CIAO1: variants seen among roughly 807,000 people sequenced by gnomAD.
The protein encoded by CIAO1 is cytosolic iron-sulfur assembly component 1.
CIAO1 carries 32 observed loss-of-function variants against 43.1 expected under a neutral mutation model. That is an observed-to-expected ratio of 0.74 (90% CI 0.56 to 1.00). The LOEUF (loss-of-function observed/expected upper bound fraction) is 1.00, where lower values mean the gene tolerates loss of function less well. Among genes scored for constraint, CIAO1 ranks in the 50% least tolerant of loss-of-function variants. CIAO1 has a pLI of 0.00. For synonymous variants in CIAO1, 183 were observed against 171.4 expected (o/e 1.07, Z -0.53); for missense variants, 415 against 437.4 (o/e 0.95, Z 0.46).
chr2:96,268,926 G>A (rs888373308), intron 5 of CIAO1: 14 of 567,712 alleles, frequency 2.5e-5, no homozygotes, highest in African/African-American at 2.4e-4. Flanking sequence ...ACAATGGCGG[G>A]AATGCTTAGA....
rs1684480447 is a variant in CIAO1, at chr2:96,268,513, T to C, written c.546T>C (p.Asp182=). The C allele has an allele frequency of 6.2e-7, 1 of 1,614,130 alleles. No homozygotes were observed. Among genetic ancestry groups the C allele is most frequent in the Non-Finnish European group, 8.5e-7 (1 of 1,180,052 alleles). The change falls in exon 5 of 7, where the codon GAT becomes GAC. Residue 182 remains aspartate, a synonymous_variant. Transcript: ENST00000488633. The part of the protein sequence containing the change: ...DTVKLYREEE[D]DWVCCATLEG... Reference sequence around the variant, plus strand: ...TGAAGCTGTACCGGGAGGAAGAGGATGACTGGGTATGCTGTGCCACCCTTG... The same window carrying C: ...TGAAGCTGTACCGGGAGGAAGAGGACGACTGGGTATGCTGTGCCACCCTTG...
chr2:96,269,013 T>C (rs1684492048), intron 5 of CIAO1: 1 of 584,862 alleles, frequency 1.7e-6, no homozygotes, highest in Admixed American at 3.1e-5. Context: ...TTGGGTCGGC[T>C]GGTGGGTGGC....
chr2:96,268,287 G>T (rs1314595899), intron 4 of CIAO1, among the ~76,000 whole-genome samples, 170 bp from the exon 5 acceptor site: 1 of 152,236 alleles, frequency 6.6e-6, no homozygotes. Flanking sequence ...AGGAGACGGG[G>T]GTTACGGTGA....
intron 6 of CIAO1, among the ~76,000 whole-genome samples, chr2:96,269,641 GTTTT>G (rs1253470965): frequency 6.6e-6 from 1 of 151,234 alleles, no homozygotes; most frequent in Non-Finnish European, 1.5e-5. Context: ...GTGGCTGAGG[GTTTT>G]TTTTTGTTTT....
At chr2:96,270,392 A>C (rs1280172487) in intron 6 of CIAO1, among the ~76,000 whole-genome samples, 1 of 152,002 alleles carries the variant, frequency 6.6e-6, no homozygotes, top group African/African-American at 2.4e-5. Context: ...AATCCCAGCT[A>C]CTCAGAGGCT....
Position 96,269,016 on chromosome 2 carries a change from T to C in CIAO1, c.692-252T>C, listed in dbSNP as rs977496194. On this transcript the variant is annotated intron_variant, in intron 5 of 6. Coordinates refer to ENST00000488633, the MANE Select transcript of CIAO1 (RefSeq NM_004804.3). Reference sequence around the variant, plus strand: ...GAATAAAGTGGGTTGGGTCGGCTGGTGGGTGGCCTTCACAGGCACGCAAAG... The same window carrying C: ...GAATAAAGTGGGTTGGGTCGGCTGGCGGGTGGCCTTCACAGGCACGCAAAG... 32 of 586,170 alleles carry C rather than the reference T, an allele frequency of 5.5e-5. No homozygotes were observed. In the East Asian group the frequency reaches 8.5e-4, roughly 16 times the overall value. 36.3% of individuals were successfully genotyped at this position (586,170 alleles called of 1,614,324 possible).
At position 96,271,239 on chromosome 2, in the gene CIAO1, C is replaced by A. The variant is rs1243049099; in HGVS notation, c.908C>A (p.Ser303Tyr). Residue 303 changes from serine (S) to tyrosine (Y), a missense_variant, in exon 7 of 7, where the codon TCC (serine) becomes TAC (tyrosine). Ser to Tyr is a moderately radical substitution (Grantham distance 144). Transcript: ENST00000488633. The part of the protein sequence containing the change: ...SLTAHLHQAH[S>Y]QDVNCVAWNP... ...ACAGCCCACTTGCATCAGGCCCATT[C>A]CCAGGATGTCAACTGTGTGGCCTGG... is the stretch of plus-strand genomic sequence containing the variant. 1.9e-6 allele frequency: 3 copies of A among 1,614,150 alleles called. No individual in the cohort carries two copies. The African/African-American group carries it at 4.0e-5, about 22-fold the overall frequency.
intron 1 of CIAO1, 34 bp downstream of exon 1, chr2:96,266,523 CTGAGGGCTCAGCCTGCGCGTAG>C: frequency 7.1e-7 from 1 of 1,416,100 alleles, no homozygotes; most frequent in South Asian, 1.5e-5. Context: ...GCCCTCAGCG[CTGAGGGCTCAGCCTGCGCGTAG>C]TGCAGGCGCT....
Position 96,266,371 on chromosome 2 carries a change from G to A in CIAO1, c.21G>A (p.Leu7=). The A allele has an allele frequency of 1.3e-6, 2 of 1,496,602 alleles. No homozygotes were observed. Among genetic ancestry groups the A allele is most frequent in the Non-Finnish European group, 1.8e-6 (2 of 1,113,458 alleles). The allele number at this position is 1,496,602 out of a possible 1,614,324, so 92.7% of individuals were successfully genotyped here. A position where few individuals can be genotyped will look rare whatever the true frequency, so the allele number is the denominator to read the frequency against. ...CCGACATGAAGGACTCGCTGGTGCT[G>A]CTGGGCCGTGTCCCGGCGCACCCGG... The part of the protein sequence containing the change: MKDSLV[L]LGRVPAHPDS... Residue 7 remains leucine, a synonymous_variant, in exon 1 of 7, where the codon CTG becomes CTA. Transcript: ENST00000488633.
At chr2:96,271,022 GT>G (rs1296467941) in intron 6 of CIAO1, 88 bp from the exon 7 acceptor site, 18 of 1,534,112 alleles carry the variant, frequency 1.2e-5, no homozygotes, top group Non-Finnish European at 1.6e-5. Flanking sequence ...GAGGCCTGAA[GT>G]TAGGGAAGAG....
intron 1 of CIAO1, 164 bp from the exon 2 acceptor site, chr2:96,267,157 A>AG: frequency 1.7e-6 from 1 of 590,130 alleles, no homozygotes; most frequent in Non-Finnish European, 2.7e-6. Flanking sequence ...AAAAAAAAAA[A>AG]AAAGCTTCCA....
intron 6 of CIAO1, among the ~76,000 whole-genome samples, chr2:96,270,294 C>G (rs1017840548): frequency 5.9e-5 from 9 of 151,766 alleles, no homozygotes; most frequent in Non-Finnish European, 4.4e-5. Flanking sequence ...ATCATGAGGT[C>G]AGGAGTTCAA....
intron 6 of CIAO1, among the ~76,000 whole-genome samples, chr2:96,269,916 A>T (rs1438158958): frequency 6.6e-6 from 1 of 151,938 alleles, no homozygotes; most frequent in Non-Finnish European, 1.5e-5. Context: ...AAGTGCTGGG[A>T]TTACAGGCAT....
chr2:96,269,273 G>A lies in CIAO1; in HGVS notation c.697G>A (p.Ala233Thr). 6.2e-7 allele frequency: 1 copy of A among 1,614,080 alleles called. No homozygotes were observed. Among genetic ancestry groups the A allele is most frequent in the Non-Finnish European group, 8.5e-7 (1 of 1,179,944 alleles). The change falls in exon 6 of 7, where the codon GCA (alanine) becomes ACA (threonine). Residue 233 changes from alanine to threonine, a missense_variant. Transcript: ENST00000488633. ...QYLPGNEQGV[A>T]CSGSDPSWKC... ...AAGAGAAGTCTGTCTTGCAGGGGTG[G>A]CATGCAGCGGCTCTGACCCCAGTTG...
At position 96,267,685 on chromosome 2, in the gene CIAO1, G is replaced by A. The variant is rs768072466; in HGVS notation, c.349G>A (p.Gly117Ser). 5.6e-6 allele frequency: 9 copies of A among 1,614,002 alleles called. No individual in the cohort carries two copies. In the African/African-American group the frequency reaches 1.1e-4, roughly 19 times the overall value. ...EVKSVAWAPSGNLLATCSRDK... is the reference protein window; with the variant it reads ...EVKSVAWAPSSNLLATCSRDK... ...CAAGTCAGTGGCTTGGGCCCCATCT[G>A]GCAACCTCCTGGCCACTTGCAGCCG... The change falls in exon 3 of 7, where the codon GGC becomes AGC. Residue 117 changes from glycine to serine, a missense_variant. Gly to Ser is a moderately conservative substitution (Grantham distance 56). Coordinates refer to ENST00000488633, the MANE Select transcript of CIAO1 (RefSeq NM_004804.3).
intron 4 of CIAO1, 22 bp from the exon 5 acceptor site, chr2:96,268,435 T>C (rs1370336056): frequency 6.2e-7 from 1 of 1,611,998 alleles, no homozygotes; most frequent in Non-Finnish European, 8.5e-7. Flanking sequence ...ACATGTTGGG[T>C]TTCCTTTCAC....
chr2:96,269,435 C>T lies in CIAO1; in HGVS notation c.779+80C>T, dbSNP rs1684503548. 25 of 1,338,360 alleles carry T rather than the reference C, an allele frequency of 1.9e-5. No homozygotes were observed. The South Asian group carries it at 2.9e-4, about 16-fold the overall frequency. 82.9% of individuals were successfully genotyped at this position (1,338,360 alleles called of 1,614,324 possible). On this transcript the variant is annotated intron_variant, in intron 6 of 6. Coordinates refer to ENST00000488633, the MANE Select transcript of CIAO1 (RefSeq NM_004804.3). Reference sequence around the variant, plus strand: ...AAGGCATACCCTATGCAGTCCTCTGCAACCCTGGGGGAGTGCTTGGGAATT... The same window carrying T: ...AAGGCATACCCTATGCAGTCCTCTGTAACCCTGGGGGAGTGCTTGGGAATT...
intron 1 of CIAO1, 50 bp from the exon 2 acceptor site, chr2:96,267,271 T>G (rs549771639): frequency 6.4e-7 from 1 of 1,563,356 alleles, no homozygotes; most frequent in Admixed American, 1.8e-5. Flanking sequence ...ATTGAATGGC[T>G]TCATGGTGCT....
In CIAO1 at chr2:96,271,397, T is replaced by C. The variant is rs763359449; in HGVS notation, c.*46T>C. On this transcript the variant is annotated 3_prime_UTR_variant, in exon 7 of 7. Transcript: ENST00000488633. Reference sequence around the variant, plus strand: ...AGTAATGACTCCCCAGAAAACGTCATATAAGACTTTACCAGCCCCTGAGAG... The same window carrying C: ...AGTAATGACTCCCCAGAAAACGTCACATAAGACTTTACCAGCCCCTGAGAG... 1.9e-6 allele frequency: 3 copies of C among 1,595,148 alleles called. No individual in the cohort carries two copies. Among genetic ancestry groups the C allele is most frequent in the South Asian group, 2.2e-5 (2 of 90,090 alleles).
Sources: allele counts gnomAD v4.1 joint callset (sites outside exome capture counted in the v4.1 genomes callset), GRCh38; gene constraint gnomAD v4.1.1; transcripts MANE v1.5; gene names NCBI Gene and HGNC (gene_info 2026-07-23, HGNC 2026-07-21).